Variants in AKAP7 observed in about 807,000 individuals in gnomAD.
AKAP7 encodes A kinase (PRKA) anchor protein 7.
Under a neutral mutation model 39.5 loss-of-function variants are expected in AKAP7, and 39 were observed. The observed-to-expected ratio is 0.99, with a 90% CI of 0.76 to 1.29. The LOEUF (loss-of-function observed/expected upper bound fraction) is 1.29, where lower values mean the gene tolerates loss of function less well. AKAP7 is among the 50% of genes most tolerant of loss of function. The pLI is 0.00. For missense variants in AKAP7, 414 were observed against 407.7 expected, an observed-to-expected ratio of 1.02 and a Z score of -0.13; for synonymous variants, 140 against 139.1, an observed-to-expected ratio of 1.01 and a Z score of -0.05.
At chr6:131,260,078 G>A (rs1813187453) in intron 7 of AKAP7, among the ~76,000 whole-genome samples, 1 of 151,824 alleles carries the variant, frequency 6.6e-6, no homozygotes, top group South Asian at 2.1e-4. Flanking sequence ...TCCTGTGTTA[G>A]TTTGCTGAGG....
chr6:131,248,065 G>C (rs1335331323), intron 7 of AKAP7, among the ~76,000 whole-genome samples: 1 of 152,116 alleles, frequency 6.6e-6, no homozygotes, highest in Non-Finnish European at 1.5e-5. Context: ...TTGTTTGGAG[G>C]CCAGATATAT....
rs770861526 is a variant in AKAP7, at chr6:131,219,826, ATTAT to A, written c.850+24_850+27del. 9 of 1,437,594 alleles carry A rather than the reference ATTAT, an allele frequency of 6.3e-6. No homozygotes were observed. The African/African-American group carries it at 1.2e-4, about 19-fold the overall frequency. The allele number at this position is 1,437,594 out of a possible 1,614,324, so 89.1% of individuals were successfully genotyped here. A position where few individuals can be genotyped will look rare whatever the true frequency, so the allele number is the denominator to read the frequency against. On this transcript the variant is annotated intron_variant, in intron 7 of 7. Transcript: ENST00000431975. ...TGTGATTGGTGAGTGTCATTTAAAA[ATTAT>A]TTATTATCTTTATTTTTAATTTTTT...
rs181135406 is a variant in AKAP7, at chr6:131,184,185, C to T, written c.589+14912C>T. ...GAGCTGCCACATCAGCTTGTGGCTG[C>T]CAAAGGCAGGCTAGAACAACCACCC... On this transcript the variant is annotated intron_variant, in intron 5 of 7. Coordinates refer to ENST00000431975, the MANE Select transcript of AKAP7 (RefSeq NM_016377.4). 621 of 378,634 alleles carry T rather than the reference C, an allele frequency of 1.6e-3. 2 individuals are homozygous for T. Among genetic ancestry groups the T allele is most frequent in the African/African-American group, 0.012 (591 of 47,412 alleles). The allele number at this position is 378,634 out of a possible 1,614,324, so 23.5% of individuals were successfully genotyped here. A position where few individuals can be genotyped will look rare whatever the true frequency, so the allele number is the denominator to read the frequency against.
intron 7 of AKAP7, among the ~76,000 whole-genome samples, chr6:131,234,747 T>G (rs946399921): frequency 6.7e-6 from 1 of 149,836 alleles, no homozygotes; most frequent in Middle Eastern, 3.2e-3. Flanking sequence ...AATTCAGTCT[T>G]TTTTTTTTAA....
At chr6:131,177,033 C>T (rs1804651481) in intron 5 of AKAP7, among the ~76,000 whole-genome samples, 1 of 152,174 alleles carries the variant, frequency 6.6e-6, no homozygotes. Context: ...TCCAAGCACA[C>T]TTCATCCTTC....
intron 5 of AKAP7, among the ~76,000 whole-genome samples, chr6:131,187,756 A>G (rs1190803): frequency 0.15 from 22,769 of 152,228 alleles, 2,168 homozygotes; most frequent in Middle Eastern, 0.24. Context: ...TTGAAAGAAC[A>G]TTTAACTTTA....
intron 7 of AKAP7, among the ~76,000 whole-genome samples, chr6:131,279,913 G>A (rs1036280995): frequency 4.6e-5 from 7 of 152,150 alleles, no homozygotes; most frequent in Admixed American, 1.3e-4. Context: ...AACAGTTCCA[G>A]TTAATGCATT....
At chr6:131,174,725 T>A (rs1804411230) in intron 5 of AKAP7, among the ~76,000 whole-genome samples, 1 of 152,238 alleles carries the variant, frequency 6.6e-6, no homozygotes. Context: ...GAAGAATATA[T>A]TCCATTGACC....
intron 7 of AKAP7, among the ~76,000 whole-genome samples, chr6:131,267,151 A>G (rs1813868198): frequency 1.3e-5 from 2 of 152,208 alleles, no homozygotes; most frequent in East Asian, 1.9e-4. Context: ...ATGAAAAAAT[A>G]TTTTAATATA....
At chr6:131,200,417 T>C (rs1346025485) in intron 6 of AKAP7, among the ~76,000 whole-genome samples, 2 of 152,174 alleles carry the variant, frequency 1.3e-5, no homozygotes, top group Non-Finnish European at 2.9e-5. Context: ...TAATATCCGC[T>C]CCCTGCTCTC....
chr6:131,131,432 A>C (rs1279027548), upstream of AKAP7, among the ~76,000 whole-genome samples: 1 of 150,662 alleles, frequency 6.6e-6, no homozygotes, highest in Non-Finnish European at 1.5e-5. Context: ...ACTGTAGGAC[A>C]TTAAGATTAC....
At chr6:131,259,865 G>A (rs1813164543) in intron 7 of AKAP7, among the ~76,000 whole-genome samples, 1 of 152,124 alleles carries the variant, frequency 6.6e-6, no homozygotes, top group Non-Finnish European at 1.5e-5. Flanking sequence ...GTAAATGTGT[G>A]CCATGGTGGT....
chr6:131,192,779 G>T (rs966608379), intron 5 of AKAP7, among the ~76,000 whole-genome samples: 6 of 152,020 alleles, frequency 3.9e-5, no homozygotes, highest in Admixed American at 6.6e-5. Flanking sequence ...GTTTTATAGA[G>T]TTCATTGTAG....
chr6:131,273,979 G>A (rs1032647226), intron 7 of AKAP7, among the ~76,000 whole-genome samples: 5 of 143,542 alleles, frequency 3.5e-5, no homozygotes, highest in African/African-American at 5.2e-5. Flanking sequence ...TCGCACTGTC[G>A]CCCAGGCTGG....
At chr6:131,219,144 T>G (rs191873573) in intron 6 of AKAP7, among the ~76,000 whole-genome samples, 147 of 151,782 alleles carry the variant, frequency 9.7e-4, no homozygotes, top group Admixed American at 3.7e-3. Context: ...ACAGAAAAAA[T>G]ACAGGTGTGG....
intron 7 of AKAP7, among the ~76,000 whole-genome samples, chr6:131,256,396 A>G (rs767564896): frequency 2.6e-5 from 4 of 152,210 alleles, no homozygotes; most frequent in Admixed American, 1.3e-4. Context: ...GATTCCATCT[A>G]TTAATTCATA....
At chr6:131,161,424 C>A (rs1312281900) in intron 3 of AKAP7, among the ~76,000 whole-genome samples, 1 of 151,554 alleles carries the variant, frequency 6.6e-6, no homozygotes, top group Admixed American at 6.6e-5. Context: ...GTGGATGGAT[C>A]CCTCGAGCCC....
intron 1 of AKAP7, among the ~76,000 whole-genome samples, chr6:131,141,475 C>A (rs756142841): frequency 9.9e-5 from 15 of 152,156 alleles, no homozygotes; most frequent in Non-Finnish European, 2.1e-4. Flanking sequence ...AATTACCCAG[C>A]CTCAGGTATT....
chr6:131,147,145 C>T (rs972516972), intron 2 of AKAP7, among the ~76,000 whole-genome samples: 8 of 152,210 alleles, frequency 5.3e-5, no homozygotes, highest in African/African-American at 1.9e-4. Context: ...ATCTGACCAT[C>T]AGAATTTTCT....
Sources: allele counts gnomAD v4.1 joint callset (sites outside exome capture counted in the v4.1 genomes callset), GRCh38; gene constraint gnomAD v4.1.1; transcripts MANE v1.5; gene names NCBI Gene and HGNC (gene_info 2026-07-23, HGNC 2026-07-21).